The following SMO variants were observed in gnomAD, a reference collection of about 807,000 sequenced individuals.
SMO encodes the protein protein smoothened.
SMO carries 40 observed loss-of-function variants against 81.6 expected under a neutral mutation model. That is an observed-to-expected ratio of 0.49 (90% CI 0.38 to 0.64). SMO has a LOEUF of 0.64. Among genes scored for constraint, SMO ranks in the 30% least tolerant of loss-of-function variants. The pLI is 0.00. For missense variants in SMO, 916 were observed against 1,061.1 expected (o/e 0.86, Z 1.90); for synonymous variants, 434 against 432.1 (o/e 1.00, Z -0.05).
At position 129,212,028 on chromosome 7, in the gene SMO, C is replaced by A. The variant is rs555237294; in HGVS notation, c.1941C>A (p.Pro647=). 5.7e-6 allele frequency: 9 copies of A among 1,584,690 alleles called. No individual in the cohort carries two copies. The South Asian group carries it at 1.0e-4, about 18-fold the overall frequency. ...ISVTPVATPV[P]PEEQANLWLV... ...TGTTGTCTCTCCTCCTGTCAGTGCC[C>A]CCAGAGGAACAAGCCAACCTGTGGC... The change falls in exon 12 of 12, where the codon CCC becomes CCA. Residue 647 remains proline, a synonymous_variant. Transcript: ENST00000249373. This position sits in a 1 kb window ranked among gnomAD's most constrained non-coding sequence, Gnocchi z 5.0.
chr7:129,201,102 A>G (rs1793661618), intron 1 of SMO, among the ~76,000 whole-genome samples: 1 of 151,962 alleles, frequency 6.6e-6, no homozygotes, highest in South Asian at 2.1e-4. Context: ...GCTGGAGTGC[A>G]GTGGTGCCAT....
rs1793767717 is a variant in SMO at position 129,206,481 on chromosome 7, G to C, written c.1158G>C (p.Val386=). 1.2e-6 allele frequency: 2 copies of C among 1,614,134 alleles called. No individual in the cohort carries two copies. Among genetic ancestry groups the C allele is most frequent in the East Asian group, 4.5e-5 (2 of 44,886 alleles). Residue 386 remains valine, a synonymous_variant, in exon 6 of 12, where the codon GTG becomes GTC. Transcript: ENST00000249373. The surrounding 1 kb of genome is among the most constrained non-coding windows in gnomAD (Gnocchi z 4.4). ...TGCTGCAGGTGGATGGGGACTCTGT[G>C]AGTGGGATTTGTTTTGTGGGCTACA... The part of the protein sequence containing the change: ...LAVAQVDGDS[V]SGICFVGYKN...
Position 129,189,280 on chromosome 7 carries a change from C to A in SMO, c.129C>A (p.Ser43Arg). The A allele has an allele frequency of 7.2e-7, 1 of 1,398,294 alleles. No homozygotes were observed. Among genetic ancestry groups the A allele is most frequent in the Non-Finnish European group, 9.2e-7 (1 of 1,086,594 alleles). 86.6% of individuals were successfully genotyped at this position (1,398,294 alleles called of 1,614,324 possible). A position where few individuals can be genotyped will look rare whatever the true frequency, so the allele number is the denominator to read the frequency against. Reference sequence around the variant, plus strand: ...ACGCGACCGGGCCTGGGCCTCGGAGCGCGGGCGGGAGCGCGAGGAGGAGCG... The same window carrying A: ...ACGCGACCGGGCCTGGGCCTCGGAGAGCGGGCGGGAGCGCGAGGAGGAGCG... ...SGNATGPGPRSAGGSARRSAA... is the reference protein window; with the variant it reads ...SGNATGPGPRRAGGSARRSAA... Residue 43 changes from serine to arginine, a missense_variant, in exon 1 of 12, where the codon AGC becomes AGA. Physicochemically the swap from Ser to Arg is moderately radical, Grantham distance 110. Around this residue, in one of 4 missense-constraint regions of SMO, gnomAD observed 146 missense variants for 149.9 expected, o/e 0.97. Transcript: ENST00000249373. This position sits in a 1 kb window ranked among gnomAD's most constrained non-coding sequence, Gnocchi z 4.7.
At position 129,210,354 on chromosome 7, in the gene SMO, T is replaced by C. The variant is rs1223171047; in HGVS notation, c.1467-9T>C. 2 of 1,608,630 alleles carry C rather than the reference T, an allele frequency of 1.2e-6. No homozygotes were observed. The highest frequency in any genetic ancestry group is 1.7e-5 in the Admixed American group (1 of 60,000). ...GAAAGCCTCACCTGTCTACGTTCCC[T>C]CACTGTAGATGTCAGGCCAATGTGA... is the stretch of plus-strand genomic sequence containing the variant. On this transcript the variant is annotated splice_polypyrimidine_tract_variant and intron_variant, in intron 8 of 11. Transcript: ENST00000249373. This position sits in a 1 kb window ranked among gnomAD's most constrained non-coding sequence, Gnocchi z 4.7.
At chr7:129,202,554 C>T (rs1029534997) in intron 1 of SMO, among the ~76,000 whole-genome samples, 12 of 152,132 alleles carry the variant, frequency 7.9e-5, no homozygotes, top group African/African-American at 1.7e-4. Flanking sequence ...AGGCTGGGGA[C>T]GGGTGCTGGG....
rs2150656438 is a variant in SMO, at chr7:129,212,094, G to C, written c.2007G>C (p.Leu669=). Residue 669 remains leucine, a synonymous_variant, in exon 12 of 12, where the codon CTG becomes CTC. Transcript: ENST00000249373. The surrounding 1 kb of genome is among the most constrained non-coding windows in gnomAD (Gnocchi z 5.0). ...TCTCCCCAGAGCTGCAGAAGCGCCT[G>C]GGCCGGAAGAAGAAGAGGAGGAAGA... ...AEISPELQKR[L]GRKKKRRKRK... 2 of 1,581,466 alleles carry C rather than the reference G, an allele frequency of 1.3e-6. No homozygotes were observed. The highest frequency in any genetic ancestry group is 1.7e-6 in the Non-Finnish European group (2 of 1,167,026).
At position 129,189,634 on chromosome 7, in the gene SMO, G is replaced by A; in HGVS notation, c.331+152G>A. The A allele has an allele frequency of 2.4e-6, 2 of 844,668 alleles. No individual in the cohort carries two copies. Among genetic ancestry groups the A allele is most frequent in the South Asian group, 1.7e-5 (1 of 57,294 alleles). The allele number at this position is 844,668 out of a possible 1,614,324, so 52.3% of individuals were successfully genotyped here. On this transcript the variant is annotated intron_variant, in intron 1 of 11. Coordinates refer to ENST00000249373, the MANE Select transcript of SMO (RefSeq NM_005631.5). The surrounding 1 kb of genome is among the most constrained non-coding windows in gnomAD (Gnocchi z 4.7). The stretch of plus-strand genomic sequence containing the variant: ...GACAGATCCCGAAACTTTGGGGGCA[G>A]GTTACGTGCAGGATGGGACCCTCGG...
rs2016607 is a variant in SMO, at chr7:129,211,034, T to C, written c.1722T>C (p.Ser574=). The stretch of plus-strand genomic sequence containing the variant: ...GCAAGATGATTGCCAAGGCCTTCTC[T>C]AAGCGGCACGAGCTCCTGCAGAACC... ...KKSKMIAKAF[S]KRHELLQNPG... The change falls in exon 10 of 12, where the codon TCT becomes TCC. Residue 574 remains serine (S), a synonymous_variant. Transcript: ENST00000249373. The surrounding 1 kb of genome is among the most constrained non-coding windows in gnomAD (Gnocchi z 4.6). 48,698 of 1,613,980 alleles carry C rather than the reference T, an allele frequency of 0.03. 978 individuals carry two copies. The highest frequency in any genetic ancestry group is 0.085 in the Admixed American group (5,067 of 59,960).
In SMO at chr7:129,210,236, T is replaced by C. The variant is rs548450849; in HGVS notation, c.1467-127T>C. 9.7e-6 allele frequency: 7 copies of C among 718,508 alleles called. No homozygotes were observed. Among genetic ancestry groups the C allele is most frequent in the Non-Finnish European group, 1.6e-5 (7 of 426,804 alleles). The allele number at this position is 718,508 out of a possible 1,614,324, so 44.5% of individuals were successfully genotyped here. ...CAGGAGATTGCCTGAGCCCAGGAGT[T>C]GGAAGCTGCAGTGGGTTGTGATCAC... On this transcript the variant is annotated intron_variant, in intron 8 of 11. Coordinates refer to ENST00000249373, the MANE Select transcript of SMO (RefSeq NM_005631.5). The surrounding 1 kb of genome is among the most constrained non-coding windows in gnomAD (Gnocchi z 4.7).
intron 1 of SMO, among the ~76,000 whole-genome samples, chr7:129,195,967 G>A (rs1584655332): frequency 6.6e-6 from 1 of 151,842 alleles, no homozygotes; most frequent in East Asian, 1.9e-4. Flanking sequence ...CGGGCGCGGT[G>A]GTGGGCGCCT....
chr7:129,203,475 G>T lies in SMO; in HGVS notation c.423G>T (p.Leu141=). The change falls in exon 2 of 12, where the codon CTG becomes CTT. Residue 141 remains leucine (L), a synonymous_variant. Transcript: ENST00000249373. ...AGTGTGAGAATGACCGGGTGGAGCT[G>T]CCCAGCCGTACCCTCTGCCAGGCCA... The part of the protein sequence containing the change: ...MPKCENDRVE[L]PSRTLCQATR... The T allele has an allele frequency of 1.3e-6, 2 of 1,591,344 alleles. No individual in the cohort carries two copies. Among genetic ancestry groups the T allele is most frequent in the Non-Finnish European group, 1.7e-6 (2 of 1,169,790 alleles).
intron 1 of SMO, among the ~76,000 whole-genome samples, chr7:129,196,054 T>TGA (rs1793572735): frequency 6.9e-6 from 1 of 145,014 alleles, no homozygotes; most frequent in African/African-American, 2.6e-5. Flanking sequence ...TGAGCCGAGA[T>TGA]CGTGCCACTG....
At position 129,210,884 on chromosome 7, in the gene SMO, A is replaced by T. The variant is rs2150654371; in HGVS notation, c.1653-81A>T. 6.8e-7 allele frequency: 1 copy of T among 1,473,438 alleles called. No individual in the cohort carries two copies. The highest frequency in any genetic ancestry group is 9.2e-7 in the Non-Finnish European group (1 of 1,089,360). The allele number at this position is 1,473,438 out of a possible 1,614,324, so 91.3% of individuals were successfully genotyped here. On this transcript the variant is annotated intron_variant, in intron 9 of 11. Transcript: ENST00000249373. This position sits in a 1 kb window ranked among gnomAD's most constrained non-coding sequence, Gnocchi z 4.7. ...CTTGGGAGCCTCCTTCTCTGGAAAG[A>T]ATGGCATCGCTGGCCCTTCCCAAGA... is the stretch of plus-strand genomic sequence containing the variant.
intron 8 of SMO, 129 bp downstream of exon 8, chr7:129,209,526 G>T (rs1035008055): frequency 1.6e-6 from 1 of 637,800 alleles, no homozygotes; most frequent in African/African-American, 1.8e-5. Context: ...AATGGATGGT[G>T]TCTGGGTGCA....
intron 1 of SMO, among the ~76,000 whole-genome samples, chr7:129,196,655 T>C (rs1793584746): frequency 6.6e-6 from 1 of 152,178 alleles, no homozygotes; most frequent in South Asian, 2.1e-4. Flanking sequence ...TCCTAGGTAC[T>C]TGATATTTTT....
chr7:129,196,100 C>CAAAAA, intron 1 of SMO, among the ~76,000 whole-genome samples: 1 of 57,250 alleles, frequency 1.7e-5, no homozygotes, highest in East Asian at 4.9e-4. Flanking sequence ...GACTCCCTCT[C>CAAAAA]AAAAAAAAAA....
chr7:129,210,833 C>G lies in SMO; in HGVS notation c.1653-132C>G. The stretch of plus-strand genomic sequence containing the variant: ...CTTCTTTGCAGAGAAGGCCTCTACT[C>G]CTGAGTCCTTGAAGGACTTGAGGCC... On this transcript the variant is annotated intron_variant, in intron 9 of 11. Transcript: ENST00000249373. This position sits in a 1 kb window ranked among gnomAD's most constrained non-coding sequence, Gnocchi z 4.7. 1.0e-6 allele frequency: 1 copy of G among 962,302 alleles called. No individual in the cohort carries two copies. Among genetic ancestry groups the G allele is most frequent in the Non-Finnish European group, 1.5e-6 (1 of 648,426 alleles). 59.6% of individuals were successfully genotyped at this position (962,302 alleles called of 1,614,324 possible).
At position 129,205,271 on chromosome 7, in the gene SMO, C is replaced by T. The variant is rs2150648210; in HGVS notation, c.606C>T (p.Asn202=). ...AAGTGCCCTTGGTTCGGACAGACAA[C>T]CCCAAGAGCTGGTACGAGGACGTGG... ...QCEVPLVRTD[N]PKSWYEDVEG... The change falls in exon 3 of 12, where the codon AAC becomes AAT. Residue 202 remains asparagine, a synonymous_variant. Transcript: ENST00000249373. 1 of 1,614,222 alleles carries T rather than the reference C, an allele frequency of 6.2e-7. No individual in the cohort carries two copies. The highest frequency in any genetic ancestry group is 2.2e-5 in the East Asian group (1 of 44,880).
At chr7:129,198,734 G>T (rs1292191818) in intron 1 of SMO, among the ~76,000 whole-genome samples, 1 of 152,232 alleles carries the variant, frequency 6.6e-6, no homozygotes, top group East Asian at 1.9e-4. Flanking sequence ...CAGGTTTGCA[G>T]CCTAGAAGCC....
Sources: gnomAD v4.1 joint callset for allele counts (sites outside exome capture counted in the v4.1 genomes callset) on GRCh38, gnomAD v4.1.1 for gene constraint, gnomAD v4.1.1 regional missense constraint, Gnocchi (gnomAD v3.1) non-coding constraint, MANE v1.5 for transcripts, NCBI Gene and HGNC (gene_info 2026-07-23, HGNC 2026-07-21) for gene names.